Variants in INTU observed in about 807,000 individuals in gnomAD.
The protein encoded by INTU is inturned planar cell polarity protein.
INTU carries 68 observed loss-of-function variants against 100.5 expected under a neutral mutation model. That is an observed-to-expected ratio of 0.68 (90% CI 0.56 to 0.83). INTU has a LOEUF of 0.83. Among genes scored for constraint, INTU ranks in the 40% least tolerant of loss-of-function variants. The pLI is 0.00. For synonymous variants in INTU, 357 were observed against 395.7 expected (o/e 0.90, Z 1.16); for missense variants, 1,071 against 1,114.7 (o/e 0.96, Z 0.56).
At position 127,655,955 on chromosome 4, in the gene INTU, C is replaced by T. The variant is rs190534306; in HGVS notation, c.683-681C>T. 9.0e-3 allele frequency among the ~76,000 whole-genome samples: 1,367 copies of T among 151,956 alleles called. 16 individuals carry two copies. The highest frequency in any genetic ancestry group is 0.027 in the African/African-American group (1,118 of 41,308). On this transcript the variant is annotated intron_variant, in intron 2 of 15. Transcript: ENST00000335251. ...CCGTTTTTTAAACCGGTCCGAAAAG[C>T]GCAATATTCGGGTGGGAGTGACCCG...
intron 8 of INTU, among the ~76,000 whole-genome samples, chr4:127,696,468 G>T (rs952501470): frequency 6.6e-6 from 1 of 152,124 alleles, no homozygotes; most frequent in East Asian, 1.9e-4. Flanking sequence ...GTGAGCATGG[G>T]GTTGTTTACA....
At chr4:127,699,270 G>C (rs1449537922) in intron 8 of INTU, 1 of 151,242 alleles carries the variant, frequency 6.6e-6, no homozygotes, top group East Asian at 1.9e-4. Context: ...TTAAACTTCA[G>C]ATTAAATTTA....
rs192164921 is a variant in INTU at position 127,669,064 on chromosome 4, C to T, written c.1001C>T (p.Ser334Phe). 1.2e-5 allele frequency: 19 copies of T among 1,529,348 alleles called. No individual in the cohort carries two copies. The Admixed American group carries it at 3.5e-4, about 28-fold the overall frequency. 94.7% of individuals were successfully genotyped at this position (1,529,348 alleles called of 1,614,324 possible). A position where few individuals can be genotyped will look rare whatever the true frequency, so the allele number is the denominator to read the frequency against. ...EQEILYHYPM[S>F]EASQKLKSVR... ...GAAATTCTTTATCATTATCCAATGTCTGAAGCATCTCAGAAACTTAAAAGT... is the reference window on the plus strand; with the variant it reads ...GAAATTCTTTATCATTATCCAATGTTTGAAGCATCTCAGAAACTTAAAAGT... Residue 334 changes from serine to phenylalanine, a missense_variant, in exon 5 of 16, where the codon TCT becomes TTT. Coordinates refer to ENST00000335251, the MANE Select transcript of INTU (RefSeq NM_015693.4).
chr4:127,713,424 A>T (rs962503975), intron 14 of INTU, among the ~76,000 whole-genome samples: 1 of 152,220 alleles, frequency 6.6e-6, no homozygotes. Flanking sequence ...TGTTTTGCTA[A>T]TGCTTTAATC....
At chr4:127,701,455 T>C (rs1385808820) in intron 9 of INTU, among the ~76,000 whole-genome samples, 1 of 152,144 alleles carries the variant, frequency 6.6e-6, no homozygotes, top group Non-Finnish European at 1.5e-5. Context: ...TATTCATGAG[T>C]CTCATACATT....
intron 6 of INTU, among the ~76,000 whole-genome samples, chr4:127,681,487 A>G (rs1288336469): frequency 2.6e-5 from 4 of 152,216 alleles, no homozygotes; most frequent in Non-Finnish European, 5.9e-5. Flanking sequence ...AACCTGAGAA[A>G]AACAAGCAGT....
At chr4:127,651,540 G>A (rs1424703496) in intron 2 of INTU, among the ~76,000 whole-genome samples, 9 of 152,090 alleles carry the variant, frequency 5.9e-5, no homozygotes, top group South Asian at 2.1e-4. Context: ...GATAAGCGGC[G>A]TTATTTCTGA....
intron 3 of INTU, among the ~76,000 whole-genome samples, chr4:127,660,831 C>T (rs1044288793): frequency 6.6e-6 from 1 of 152,140 alleles, no homozygotes; most frequent in Non-Finnish European, 1.5e-5. Context: ...TAAGAAGCTT[C>T]ATGTAAACTA....
At chr4:127,635,960 G>T (rs544649769) in intron 1 of INTU, among the ~76,000 whole-genome samples, 1 of 152,126 alleles carries the variant, frequency 6.6e-6, no homozygotes, top group African/African-American at 2.4e-5. Context: ...CATCCATGTT[G>T]TTGCCCCCAT....
intron 6 of INTU, among the ~76,000 whole-genome samples, chr4:127,683,375 A>G (rs1373791904): frequency 6.6e-6 from 1 of 152,168 alleles, no homozygotes; most frequent in African/African-American, 2.4e-5. Context: ...TCACATAACT[A>G]AAAGATAGGT....
At chr4:127,672,423 C>T (rs1728971100) in intron 5 of INTU, among the ~76,000 whole-genome samples, 2 of 147,130 alleles carry the variant, frequency 1.4e-5, no homozygotes. Context: ...TCCTCCTTTT[C>T]AGTCTCATTA....
At chr4:127,665,894 GGAA>G (rs1170147489) in intron 4 of INTU, among the ~76,000 whole-genome samples, 4 of 152,270 alleles carry the variant, frequency 2.6e-5, no homozygotes, top group African/African-American at 4.8e-5. Context: ...TGTGTGGCCA[GGAA>G]GAAGATCAAG....
chr4:127,702,777 C>T (rs1293526008), intron 9 of INTU, among the ~76,000 whole-genome samples: 2 of 152,012 alleles, frequency 1.3e-5, no homozygotes, highest in South Asian at 2.1e-4. Flanking sequence ...ATTCTTCTGT[C>T]CCCTTTGGAG....
At chr4:127,651,622 C>G (rs1405748346) in intron 2 of INTU, among the ~76,000 whole-genome samples, 2 of 152,070 alleles carry the variant, frequency 1.3e-5, no homozygotes, top group Non-Finnish European at 1.5e-5. Flanking sequence ...GTTACTGTAG[C>G]CTTGTAGTAT....
At chr4:127,704,914 C>T (rs1424789255) in intron 10 of INTU, among the ~76,000 whole-genome samples, 1 of 151,732 alleles carries the variant, frequency 6.6e-6, no homozygotes, top group Non-Finnish European at 1.5e-5. Flanking sequence ...ATGGTGAAAC[C>T]CCATCTCTAC....
chr4:127,709,118 T>C (rs1730998609), intron 13 of INTU, among the ~76,000 whole-genome samples: 1 of 152,196 alleles, frequency 6.6e-6, no homozygotes, highest in African/African-American at 2.4e-5. Flanking sequence ...ACACGGAAAC[T>C]TGTTGACTCA....
At position 127,717,148 on chromosome 4, in the gene INTU, C is replaced by G. The variant is rs535778992; in HGVS notation, c.*712C>G. ...CTATTTTTCCTAATACTCTCCCTAC[C>G]CCCACAACAGGCCCTGGTGTGCATT... On this transcript the variant is annotated 3_prime_UTR_variant, in exon 16 of 16. Transcript: ENST00000335251. 4 of 152,198 alleles carry G rather than the reference C, an allele frequency of 2.6e-5. No individual in the cohort carries two copies. In the South Asian group the frequency reaches 8.3e-4, roughly 32 times the overall value. 9.4% of individuals were successfully genotyped at this position (152,198 alleles called of 1,614,324 possible).
At chr4:127,714,362 A>T (rs954867922) in intron 15 of INTU, among the ~76,000 whole-genome samples, 1 of 150,704 alleles carries the variant, frequency 6.6e-6, no homozygotes, top group African/African-American at 2.4e-5. Flanking sequence ...TGCTTCCTTC[A>T]TTTTTCCCCC....
At chr4:127,704,365 T>G (rs949700438) in intron 10 of INTU, 75 bp downstream of exon 10, 3 of 1,042,994 alleles carry the variant, frequency 2.9e-6, no homozygotes, top group Non-Finnish European at 4.4e-6. Flanking sequence ...TTTACAAACA[T>G]GAAAAATACA....
Sources: allele counts gnomAD v4.1 joint callset (sites outside exome capture counted in the v4.1 genomes callset), GRCh38; gene constraint gnomAD v4.1.1; transcripts MANE v1.5; gene names NCBI Gene and HGNC (gene_info 2026-07-23, HGNC 2026-07-21).